The following MLLT3 variants were observed in gnomAD, a reference collection of about 807,000 sequenced individuals.
The protein encoded by MLLT3 is protein AF-9.
A neutral mutation model predicts 53.2 loss-of-function variants in MLLT3; 4 were observed. The observed-to-expected ratio is 0.08, with a 90% CI of 0.04 to 0.17. MLLT3 has a LOEUF of 0.17. Ranked by LOEUF, MLLT3 falls within the 10% of genes least tolerant of loss-of-function variation. The probability of loss-of-function intolerance (pLI) is 1.00; values close to 1 mark genes in which losing one functional copy is unlikely to be tolerated. For missense variants in MLLT3, 569 were observed against 684.0 expected, an observed-to-expected ratio of 0.83 and a Z score of 1.87; for synonymous variants, 283 against 230.6, an observed-to-expected ratio of 1.23 and a Z score of -2.06.
At chr9:20,592,159 A>G (rs1044293408) in intron 2 of MLLT3, among the ~76,000 whole-genome samples, 3 of 152,224 alleles carry the variant, frequency 2.0e-5, no homozygotes, top group Non-Finnish European at 4.4e-5. Flanking sequence ...TGGAAGATGA[A>G]AAATTAGACT....
chr9:20,508,752 T>C (rs1825447060), intron 2 of MLLT3, among the ~76,000 whole-genome samples: 2 of 152,152 alleles, frequency 1.3e-5, no homozygotes, highest in African/African-American at 4.8e-5. Context: ...CTAATGGAAG[T>C]ATAAAATAAG....
In MLLT3 at chr9:20,586,918, T is replaced by A. The variant is rs186415324; in HGVS notation, c.193+33736A>T. 4.8e-3 allele frequency among the ~76,000 whole-genome samples: 736 copies of A among 152,220 alleles called. 6 individuals carry two copies. Among genetic ancestry groups the A allele is most frequent in the African/African-American group, 0.017 (693 of 41,522 alleles). On this transcript the variant is annotated intron_variant, in intron 2 of 10. Transcript: ENST00000380338. ...GCTACATCCTTTATTTTGTTTTTTT[T>A]AAAAATGAAATGAAACCTCAATCTG...
chr9:20,493,855 T>G (rs1351271103), intron 2 of MLLT3, among the ~76,000 whole-genome samples: 1 of 152,108 alleles, frequency 6.6e-6, no homozygotes, highest in Non-Finnish European at 1.5e-5. Context: ...ATTTTTTAAA[T>G]CTGTAACACC....
At chr9:20,437,674 G>C (rs1042654709) in intron 4 of MLLT3, among the ~76,000 whole-genome samples, 2 of 152,100 alleles carry the variant, frequency 1.3e-5, no homozygotes, top group African/African-American at 4.8e-5. Context: ...AGCCAAATCA[G>C]ATAAAGTACA....
intron 3 of MLLT3, among the ~76,000 whole-genome samples, chr9:20,451,815 G>A (rs1452916681): frequency 6.6e-6 from 1 of 152,150 alleles, no homozygotes; most frequent in Non-Finnish European, 1.5e-5. Context: ...CTGAAAGAAA[G>A]AAGCCTGCGA....
intron 3 of MLLT3, among the ~76,000 whole-genome samples, chr9:20,449,778 T>A (rs970598266): frequency 1.3e-5 from 2 of 152,200 alleles, no homozygotes; most frequent in African/African-American, 2.4e-5. Flanking sequence ...TTCCTCTCTC[T>A]TATCAGGATG....
chr9:20,492,822 T>C (rs1442809556), intron 2 of MLLT3, among the ~76,000 whole-genome samples: 1 of 151,970 alleles, frequency 6.6e-6, no homozygotes, highest in Non-Finnish European at 1.5e-5. Flanking sequence ...AGCTTATAGA[T>C]CTGATCTTGA....
At chr9:20,549,078 G>A (rs894135751) in intron 2 of MLLT3, among the ~76,000 whole-genome samples, 1 of 152,168 alleles carries the variant, frequency 6.6e-6, no homozygotes, top group Non-Finnish European at 1.5e-5. Context: ...GCCTGCCAAA[G>A]TGCTGGGGTT....
At chr9:20,355,074 G>A (rs1821135993) in intron 8 of MLLT3, among the ~76,000 whole-genome samples, 195 bp from the exon 9 acceptor site, 1 of 143,780 alleles carries the variant, frequency 7.0e-6, no homozygotes, top group Admixed American at 7.0e-5. Context: ...GATCTGAAAT[G>A]CTGAGTCAGA....
chr9:20,388,918 C>T (rs533595615), intron 5 of MLLT3, among the ~76,000 whole-genome samples: 8 of 152,260 alleles, frequency 5.3e-5, no homozygotes, highest in African/African-American at 1.9e-4. Context: ...ATTCTTTCAG[C>T]CTTCTCAAGA....
chr9:20,350,458 G>A (rs13287177), intron 10 of MLLT3, among the ~76,000 whole-genome samples: 59,951 of 149,652 alleles, frequency 0.4, 17,211 homozygotes, highest in African/African-American at 0.78. Context: ...AGCCGGGCGT[G>A]GTGGCGGGCG....
At chr9:20,596,013 T>C (rs1181332550) in intron 2 of MLLT3, among the ~76,000 whole-genome samples, 6 of 152,246 alleles carry the variant, frequency 3.9e-5, no homozygotes, top group Non-Finnish European at 5.9e-5. Flanking sequence ...CTAGTGGCTA[T>C]TGTTTTAGAC....
rs184758515 is a variant in MLLT3 at position 20,569,864 on chromosome 9, C to A, written c.193+50790G>T. Among the ~76,000 whole-genome samples the A allele has an allele frequency of 2.2e-3, 330 of 152,292 alleles. 8 individuals are homozygous for A. The highest frequency in any genetic ancestry group is 0.021 in the Admixed American group (316 of 15,290). On this transcript the variant is annotated intron_variant, in intron 2 of 10. Transcript: ENST00000380338. ...ATGTGAAGCAGAAGCTCAGTAAAGT[C>A]TTCTTCCCCACCTAATGCGCTGTGG...
At chr9:20,522,928 C>T (rs1021164777) in intron 2 of MLLT3, among the ~76,000 whole-genome samples, 2 of 151,740 alleles carry the variant, frequency 1.3e-5, no homozygotes, top group African/African-American at 4.8e-5. Context: ...TGCCACTGCA[C>T]TCCAGCCTGG....
chr9:20,377,491 A>G (rs573944096), intron 5 of MLLT3, among the ~76,000 whole-genome samples: 15 of 152,304 alleles, frequency 9.8e-5, no homozygotes, highest in Middle Eastern at 3.4e-3. Context: ...TTCAGGAAAT[A>G]AAGGTGATAA....
intron 2 of MLLT3, among the ~76,000 whole-genome samples, chr9:20,464,348 C>A (rs1340054763): frequency 2.0e-5 from 3 of 152,022 alleles, no homozygotes; most frequent in African/African-American, 7.2e-5. Flanking sequence ...AACCAGAGAC[C>A]GTTGCCTGCT....
At chr9:20,526,943 T>C (rs780070176) in intron 2 of MLLT3, among the ~76,000 whole-genome samples, 2 of 152,324 alleles carry the variant, frequency 1.3e-5, no homozygotes, top group Non-Finnish European at 2.9e-5. Flanking sequence ...TTACGAAGTG[T>C]CTGTTGAAGT....
rs986165486 is a variant in MLLT3, at chr9:20,511,830, C to T, written c.194-55044G>A. On this transcript the variant is annotated intron_variant, in intron 2 of 10. Coordinates refer to ENST00000380338, the MANE Select transcript of MLLT3 (RefSeq NM_004529.4). ...CAAGTAAAGCTTAGAAGAGGAACAC[C>T]TATAAGTGCTCATACTGAAGGCAGA... Among the ~76,000 whole-genome samples the T allele has an allele frequency of 2.0e-5, 3 of 152,114 alleles. No homozygotes were observed. The East Asian group carries it at 5.8e-4, about 29-fold the overall frequency.
chr9:20,506,725 T>C (rs1030143874), intron 2 of MLLT3, among the ~76,000 whole-genome samples: 11 of 152,228 alleles, frequency 7.2e-5, no homozygotes, highest in African/African-American at 2.7e-4. Context: ...AGCTGTCTTC[T>C]GTCATTCAAG....
Sources: allele counts gnomAD v4.1 joint callset (sites outside exome capture counted in the v4.1 genomes callset), GRCh38; gene constraint gnomAD v4.1.1; transcripts MANE v1.5; gene names NCBI Gene and HGNC (gene_info 2026-07-23, HGNC 2026-07-21).